The following RPAP3 variants were observed in gnomAD, a reference collection of about 807,000 sequenced individuals.
RPAP3 encodes RNA polymerase II-associated protein 3.
A neutral mutation model predicts 88.8 loss-of-function variants in RPAP3; 58 were observed. The observed-to-expected ratio is 0.65, with a 90% CI of 0.53 to 0.81. The LOEUF (loss-of-function observed/expected upper bound fraction) is 0.81. RPAP3 is among the 40% of genes least tolerant of loss of function. The pLI, the probability that RPAP3 is intolerant of heterozygous loss-of-function variation, is 0.00. For synonymous variants in RPAP3, 255 were observed against 259.9 expected (o/e 0.98, Z 0.18); for missense variants, 751 against 764.3 (o/e 0.98, Z 0.20).
chr12:47,679,034 T>C (rs1194598516), intron 12 of RPAP3, among the ~76,000 whole-genome samples: 1 of 152,106 alleles, frequency 6.6e-6, no homozygotes, highest in Non-Finnish European at 1.5e-5. Context: ...ATTAAGAAAA[T>C]GTGGCACATA....
At chr12:47,670,489 T>C (rs1214475855) in intron 12 of RPAP3, 144 bp from the exon 13 acceptor site, 1 of 602,624 alleles carries the variant, frequency 1.7e-6, no homozygotes, top group African/African-American at 1.9e-5. Context: ...GACTTAGAAG[T>C]CTGAGAATAC....
chr12:47,696,463 C>A, intron 4 of RPAP3, 60 bp from the exon 5 acceptor site: 1 of 1,289,410 alleles, frequency 7.8e-7, no homozygotes, highest in Non-Finnish European at 1.1e-6. Flanking sequence ...CTACAGTTGA[C>A]CCTTGAACGA....
At position 47,698,113 on chromosome 12, in the gene RPAP3, AAAAACTGCTATTTT is replaced by A. The variant is rs1266333201; in HGVS notation, c.295-408_295-395del. On this transcript the variant is annotated intron_variant, in intron 3 of 16. Transcript: ENST00000005386. ...TTTTTTTCTTCCTTATTTTAAAACA[AAAAACTGCTATTTT>A]AAAACTGCTATTTTAAAACGAACAA... 3.5e-4 allele frequency among the ~76,000 whole-genome samples: 53 copies of A among 152,376 alleles called. 1 individual carries two copies. Among genetic ancestry groups the A allele is most frequent in the African/African-American group, 7.7e-4 (32 of 41,582 alleles).
At chr12:47,693,576 A>G (rs1939468637) in intron 5 of RPAP3, among the ~76,000 whole-genome samples, 1 of 152,198 alleles carries the variant, frequency 6.6e-6, no homozygotes, top group South Asian at 2.1e-4. Flanking sequence ...ACACACAACA[A>G]AACAAGGTAT....
intron 10 of RPAP3, among the ~76,000 whole-genome samples, chr12:47,681,380 G>A (rs1455675549): frequency 6.6e-6 from 1 of 152,066 alleles, no homozygotes; most frequent in Non-Finnish European, 1.5e-5. Flanking sequence ...CAACAACACC[G>A]ATTCCCTTCC....
At chr12:47,677,438 C>T (rs543421003) in intron 12 of RPAP3, among the ~76,000 whole-genome samples, 2 of 151,934 alleles carry the variant, frequency 1.3e-5, no homozygotes, top group African/African-American at 4.8e-5. Flanking sequence ...AATTAGGAAA[C>T]GAGGAAGTCA....
At chr12:47,693,753 T>C (rs1039837086) in intron 5 of RPAP3, among the ~76,000 whole-genome samples, 1 of 152,198 alleles carries the variant, frequency 6.6e-6, no homozygotes, top group Non-Finnish European at 1.5e-5. Context: ...CCTGAAATTA[T>C]TCTCAAATGA....
In RPAP3 at chr12:47,681,744, T is replaced by C; in HGVS notation, c.1066A>G (p.Arg356Gly). Residue 356 changes from arginine (R) to glycine (G), a missense_variant, in exon 10 of 17, where the codon AGA (arginine) becomes GGA (glycine). Coordinates refer to ENST00000005386, the MANE Select transcript of RPAP3 (RefSeq NM_024604.3). ...DGSYSKAFAR[R>G]GTARTFLGKL... is the part of the protein sequence containing the mutation. Reference sequence around the variant, plus strand: ...CCCAAAAATGTTCTTGCAGTTCCTCTTCTGGCAAAAGCTTTAGAATATGAG... The same window carrying C: ...CCCAAAAATGTTCTTGCAGTTCCTCCTCTGGCAAAAGCTTTAGAATATGAG... The C allele has an allele frequency of 6.2e-7, 1 of 1,612,576 alleles. No individual in the cohort carries two copies. The highest frequency in any genetic ancestry group is 8.5e-7 in the Non-Finnish European group (1 of 1,179,340).
chr12:47,671,724 C>T (rs1939002641), intron 12 of RPAP3, among the ~76,000 whole-genome samples: 1 of 152,128 alleles, frequency 6.6e-6, no homozygotes, highest in African/African-American at 2.4e-5. Context: ...TCCTTGACAA[C>T]AGATATGTAA....
chr12:47,667,083 G>T lies in RPAP3; in HGVS notation c.1812-3C>A, dbSNP rs761533418. ...AGATGAGTAATGGCTTTTCTTTCCT[G>T]AAATAATCCAAATATAGAAACAAAT... On this transcript the variant is annotated splice_region_variant and splice_polypyrimidine_tract_variant and intron_variant, in intron 15 of 16. Transcript: ENST00000005386. 14 of 1,329,174 alleles carry T rather than the reference G, an allele frequency of 1.1e-5. No homozygotes were observed. Among genetic ancestry groups the T allele is most frequent in the Non-Finnish European group, 1.2e-5 (12 of 991,724 alleles). The allele number at this position is 1,329,174 out of a possible 1,614,324, so 82.3% of individuals were successfully genotyped here.
intron 5 of RPAP3, among the ~76,000 whole-genome samples, chr12:47,691,943 C>T (rs919745592): frequency 6.6e-6 from 1 of 152,086 alleles, no homozygotes; most frequent in Admixed American, 6.5e-5. Flanking sequence ...GACAGGGTTT[C>T]ACCGTGTTTG....
intron 5 of RPAP3, among the ~76,000 whole-genome samples, chr12:47,691,125 G>A (rs1939419772): frequency 6.6e-6 from 1 of 152,088 alleles, no homozygotes; most frequent in African/African-American, 2.4e-5. Flanking sequence ...CTATTTGATA[G>A]TATTTACATA....
chr12:47,686,747 C>A (rs374652062), intron 9 of RPAP3, 33 bp downstream of exon 9: 2 of 1,424,472 alleles, frequency 1.4e-6, no homozygotes, highest in African/African-American at 2.9e-5. Context: ...AAATTTTTAT[C>A]CTGAACAGCA....
chr12:47,670,280 A>G lies in RPAP3; in HGVS notation c.1353T>C (p.Asp451=), dbSNP rs1005352056. Residue 451 remains aspartate, a synonymous_variant, in exon 13 of 17, where the codon GAT becomes GAC. Transcript: ENST00000005386. The stretch of plus-strand genomic sequence containing the variant: ...TCTCTGGAGCAGCAGCAGTAGTGCT[A>G]TCTGGCACATCAATAGTCTGTATCA... ...GNLIQTIDVP[D]STTAAAPENN... The G allele has an allele frequency of 6.2e-7, 1 of 1,613,444 alleles. No homozygotes were observed. Among genetic ancestry groups the G allele is most frequent in the African/African-American group, 1.3e-5 (1 of 74,928 alleles).
At chr12:47,688,866 T>A (rs1939374748) in intron 7 of RPAP3, among the ~76,000 whole-genome samples, 1 of 152,062 alleles carries the variant, frequency 6.6e-6, no homozygotes, top group Non-Finnish European at 1.5e-5. Flanking sequence ...GATAAAAAAA[T>A]AATAATTCTG....
chr12:47,680,369 T>C (rs1317457162), intron 10 of RPAP3, among the ~76,000 whole-genome samples: 2 of 152,146 alleles, frequency 1.3e-5, no homozygotes, highest in Non-Finnish European at 2.9e-5. Context: ...GTTCTGGTGA[T>C]GGACAGTGGT....
intron 12 of RPAP3, among the ~76,000 whole-genome samples, chr12:47,678,468 C>G (rs1939159529): frequency 1.3e-5 from 2 of 152,170 alleles, no homozygotes; most frequent in South Asian, 4.1e-4. Context: ...AGGCAACCTA[C>G]AGAATGGGAG....
rs777063894 is a variant in RPAP3, at chr12:47,670,128, ACTT to A, written c.1502_1504del (p.Glu501del). ...TCACTGCAGGGATGAAGTATCACTG[ACTT>A]CTTCTATTTTCAATACTTTTGCTCT... is the stretch of plus-strand genomic sequence containing the variant. On this transcript the variant is annotated inframe_deletion, in exon 13 of 17. Coordinates refer to ENST00000005386, the MANE Select transcript of RPAP3 (RefSeq NM_024604.3). 1.4e-5 allele frequency: 22 copies of A among 1,606,242 alleles called. No individual in the cohort carries two copies. Among genetic ancestry groups the A allele is most frequent in the Middle Eastern group, 3.3e-4 (2 of 6,044 alleles).
At chr12:47,667,888 A>C in intron 14 of RPAP3, 37 bp from the exon 15 acceptor site, 1 of 1,271,076 alleles carries the variant, frequency 7.9e-7, no homozygotes, top group Non-Finnish European at 1.1e-6. Flanking sequence ...ACTTGATGGC[A>C]ACACTTACAT....
Sources: gnomAD v4.1 joint callset for allele counts (sites outside exome capture counted in the v4.1 genomes callset) on GRCh38, gnomAD v4.1.1 for gene constraint, MANE v1.5 for transcripts, NCBI Gene and HGNC (gene_info 2026-07-23, HGNC 2026-07-21) for gene names.